JAK1: variants seen among roughly 807,000 people sequenced by gnomAD.
JAK1 encodes Janus kinase 1.
Under a neutral mutation model 136.6 loss-of-function variants are expected in JAK1, and 16 were observed. That is an observed-to-expected ratio of 0.12 (90% CI 0.08 to 0.18). The LOEUF (loss-of-function observed/expected upper bound fraction) is 0.18. Ranked by LOEUF, JAK1 falls within the 10% of genes least tolerant of loss-of-function variation. The pLI, the probability that JAK1 is intolerant of heterozygous loss-of-function variation, is 1.00. For missense variants in JAK1, 859 were observed against 1,450.1 expected, an observed-to-expected ratio of 0.59 and a Z score of 6.62; for synonymous variants, 492 against 519.5, an observed-to-expected ratio of 0.95 and a Z score of 0.72.
intron 2 of JAK1, among the ~76,000 whole-genome samples, chr1:64,976,468 G>A (rs1262584555): frequency 1.3e-5 from 2 of 152,266 alleles, no homozygotes; most frequent in Non-Finnish European, 2.9e-5. Flanking sequence ...TATGGTAATT[G>A]TGACCTCATG....
rs536388183 is a variant in JAK1 at position 64,835,229 on chromosome 1, A to G, written c.3369+167T>C. The stretch of plus-strand genomic sequence containing the variant: ...ACTGGTGGCTATCATCTAGCCCCAA[A>G]GGCGATTTCTCAGTTATCTTATGTG... On this transcript the variant is annotated intron_variant, in intron 24 of 24. Coordinates refer to ENST00000342505, the MANE Select transcript of JAK1 (RefSeq NM_002227.4). 3.3e-5 allele frequency among the ~76,000 whole-genome samples: 5 copies of G among 152,338 alleles called. No homozygotes were observed. The East Asian group carries it at 7.7e-4, about 23-fold the overall frequency.
At chr1:65,046,083 G>C (rs1195646419) in intron 1 of JAK1, among the ~76,000 whole-genome samples, 19 of 152,242 alleles carry the variant, frequency 1.2e-4, no homozygotes. Context: ...ACTCTTTTAA[G>C]AACTGTCTTG....
At chr1:64,885,516 G>A (rs538466982) in intron 2 of JAK1, among the ~76,000 whole-genome samples, 1 of 152,302 alleles carries the variant, frequency 6.6e-6, no homozygotes, top group Admixed American at 6.5e-5. Flanking sequence ...CACTTTGGGA[G>A]GCCAAGGCGG....
chr1:64,915,091 T>C (rs1366378792), intron 1 of JAK1, among the ~76,000 whole-genome samples: 1 of 152,160 alleles, frequency 6.6e-6, no homozygotes, highest in African/African-American at 2.4e-5. Flanking sequence ...TAACCACATA[T>C]ATACCTTATA....
intron 5 of JAK1, among the ~76,000 whole-genome samples, chr1:64,870,918 G>T (rs996186126): frequency 2.6e-5 from 4 of 152,108 alleles, no homozygotes; most frequent in African/African-American, 4.8e-5. Context: ...TTGGCCTGTG[G>T]TTTTTTTGTA....
chr1:64,847,925 C>T (rs980584784), intron 12 of JAK1: 4 of 484,520 alleles, frequency 8.3e-6, no homozygotes, highest in Admixed American at 6.9e-5. Context: ...TGCTTTCTAC[C>T]CCTAGGAACA....
At chr1:65,049,591 A>G (rs539954207) in intron 1 of JAK1, among the ~76,000 whole-genome samples, 2 of 152,118 alleles carry the variant, frequency 1.3e-5, no homozygotes, top group Non-Finnish European at 2.9e-5. Context: ...TACCATCCAT[A>G]TTCTAACTCA....
chr1:64,846,425 G>A (rs936079630), intron 14 of JAK1, among the ~76,000 whole-genome samples: 1 of 151,994 alleles, frequency 6.6e-6, no homozygotes, highest in Non-Finnish European at 1.5e-5. Context: ...CTTGGCCAGC[G>A]TTGACAAGAA....
intron 11 of JAK1, among the ~76,000 whole-genome samples, chr1:64,853,733 G>T (rs762046413): frequency 1.3e-5 from 2 of 150,458 alleles, no homozygotes; most frequent in African/African-American, 5.0e-5. Context: ...AACTGCCTGG[G>T]CCACAGTAGG....
In JAK1 at chr1:64,863,526, TA is replaced by T. The variant is rs1557644857; in HGVS notation, c.1176+1260del. 8.3e-5 allele frequency among the ~76,000 whole-genome samples: 11 copies of T among 133,250 alleles called. 1 individual carries two copies. Among genetic ancestry groups the T allele is most frequent in the Non-Finnish European group, 3.1e-5 (2 of 64,226 alleles). 87.4% of individuals were successfully genotyped at this position (133,250 alleles called of 152,430 possible). Reference sequence around the variant, plus strand: ...CTATATTTTTCTAATAAAATTAATGTAAGTTTTTTGTTTAAAAAAAAAGGAG... The same window carrying T: ...CTATATTTTTCTAATAAAATTAATGTAGTTTTTTGTTTAAAAAAAAAGGAG... On this transcript the variant is annotated intron_variant, in intron 8 of 24. Transcript: ENST00000342505.
intron 13 of JAK1, chr1:64,846,993 C>A (rs1655276786): frequency 3.8e-6 from 2 of 529,690 alleles, no homozygotes; most frequent in African/African-American, 3.8e-5. Flanking sequence ...GAGAAGCTGG[C>A]TAAGAATTTT....
At chr1:64,936,461 G>A (rs1645790834) in intron 1 of JAK1, among the ~76,000 whole-genome samples, 1 of 152,164 alleles carries the variant, frequency 6.6e-6, no homozygotes. Context: ...CTTGTATTGT[G>A]GAAGAATTAA....
At chr1:64,961,858 T>C (rs1646287897) in intron 1 of JAK1, among the ~76,000 whole-genome samples, 1 of 152,222 alleles carries the variant, frequency 6.6e-6, no homozygotes, top group Non-Finnish European at 1.5e-5. Context: ...TCACCCACAA[T>C]GTGTTACAGC....
intron 1 of JAK1, among the ~76,000 whole-genome samples, chr1:64,902,949 G>C (rs1424999411): frequency 6.6e-6 from 1 of 152,116 alleles, no homozygotes; most frequent in Non-Finnish European, 1.5e-5. Flanking sequence ...TTCTACCCTG[G>C]AGACCACTGT....
At chr1:64,872,012 C>T (rs765734432) in intron 5 of JAK1, among the ~76,000 whole-genome samples, 2 of 152,222 alleles carry the variant, frequency 1.3e-5, no homozygotes, top group Non-Finnish European at 2.9e-5. Context: ...CCTGCCTCTC[C>T]AGCCTCGTTC....
At chr1:64,944,273 C>CAG (rs1198687514) in intron 1 of JAK1, among the ~76,000 whole-genome samples, 1 of 143,358 alleles carries the variant, frequency 7.0e-6, no homozygotes. Context: ...TAAATATCTA[C>CAG]AGAGTAAAAG....
At chr1:64,850,732 C>G in intron 12 of JAK1, 72 bp downstream of exon 12, 1 of 1,004,564 alleles carries the variant, frequency 1.0e-6, no homozygotes, top group Non-Finnish European at 1.6e-6. Flanking sequence ...CTTCCTTCCC[C>G]CAGATCCCCA....
intron 1 of JAK1, among the ~76,000 whole-genome samples, chr1:64,894,369 A>G (rs1380211425): frequency 6.6e-6 from 1 of 152,234 alleles, no homozygotes; most frequent in Non-Finnish European, 1.5e-5. Context: ...AGGGGGTTCC[A>G]ATGCTAGACA....
chr1:65,024,955 C>A (rs1043133902), intron 2 of JAK1, among the ~76,000 whole-genome samples: 1 of 151,952 alleles, frequency 6.6e-6, no homozygotes, highest in Non-Finnish European at 1.5e-5. Context: ...CTAGCCTGGA[C>A]AACAAGAGCG....
Sources: gnomAD v4.1 joint callset for allele counts (sites outside exome capture counted in the v4.1 genomes callset) on GRCh38, gnomAD v4.1.1 for gene constraint, MANE v1.5 for transcripts, NCBI Gene and HGNC (gene_info 2026-07-23, HGNC 2026-07-21) for gene names.